Variants in DOCK4 observed in about 807,000 individuals in gnomAD.
The protein encoded by DOCK4 is dedicator of cytokinesis protein 4.
Under a neutral mutation model 268.1 loss-of-function variants are expected in DOCK4, and 97 were observed. The observed-to-expected ratio is 0.36, with a 90% confidence interval of 0.31 to 0.43. DOCK4 has a LOEUF of 0.43. Ranked by LOEUF, DOCK4 falls within the 20% of genes least tolerant of loss-of-function variation. The probability of loss-of-function intolerance (pLI) is 1.00; values close to 1 mark genes in which losing one functional copy is unlikely to be tolerated. For synonymous variants in DOCK4, 954 were observed against 887.2 expected (o/e 1.08, Z -1.34); for missense variants, 2,145 against 2,455.7 (o/e 0.87, Z 2.67).
chr7:111,872,233 A>C, intron 19 of DOCK4, 36 bp downstream of exon 19: 2 of 1,450,442 alleles, frequency 1.4e-6, no homozygotes, highest in Non-Finnish European at 1.9e-6. Context: ...TGAGAGACAA[A>C]ACAGTTAAAA....
At chr7:111,768,149 C>T (rs1413348735) in intron 37 of DOCK4, among the ~76,000 whole-genome samples, 5 of 152,214 alleles carry the variant, frequency 3.3e-5, no homozygotes, top group East Asian at 3.9e-4. Flanking sequence ...CATTTAAAAA[C>T]GTAAAAGAGA....
chr7:111,963,059 T>C (rs1031735770), intron 8 of DOCK4, among the ~76,000 whole-genome samples: 1 of 152,108 alleles, frequency 6.6e-6, no homozygotes, highest in African/African-American at 2.4e-5. Context: ...AATAGATTAG[T>C]CCCAAGACAA....
intron 26 of DOCK4, among the ~76,000 whole-genome samples, chr7:111,823,758 G>T (rs557124691): frequency 6.6e-6 from 1 of 152,148 alleles, no homozygotes; most frequent in South Asian, 2.1e-4. Flanking sequence ...ATAACGATAT[G>T]GTGTTGCTTC....
At chr7:112,048,554 C>A (rs758361908) in intron 1 of DOCK4, among the ~76,000 whole-genome samples, 5 of 149,934 alleles carry the variant, frequency 3.3e-5, no homozygotes, top group Non-Finnish European at 5.9e-5. Flanking sequence ...CGGAGTGAGA[C>A]CCCATCTCAA....
intron 8 of DOCK4, among the ~76,000 whole-genome samples, chr7:111,955,919 A>G (rs1392400016): frequency 6.6e-6 from 1 of 152,190 alleles, no homozygotes; most frequent in African/African-American, 2.4e-5. Flanking sequence ...GGCCTGCTGT[A>G]TAACTAAACT....
At chr7:111,813,511 C>T (rs905569756) in intron 27 of DOCK4, among the ~76,000 whole-genome samples, 2 of 152,152 alleles carry the variant, frequency 1.3e-5, no homozygotes, top group African/African-American at 4.8e-5. Context: ...GGAAACAAGA[C>T]AACCACGATT....
intron 49 of DOCK4, 144 bp from the exon 50 acceptor site, chr7:111,737,133 T>TAATTA: frequency 1.6e-6 from 1 of 642,140 alleles, no homozygotes; most frequent in Non-Finnish European, 2.6e-6. Context: ...ACAAATAATT[T>TAATTA]AATTATATTT....
chr7:111,889,821 C>T (rs1389244178), intron 16 of DOCK4, among the ~76,000 whole-genome samples: 1 of 152,162 alleles, frequency 6.6e-6, no homozygotes, highest in Non-Finnish European at 1.5e-5. Flanking sequence ...TGACTTTGTA[C>T]CTGGCTCTTT....
chr7:111,835,257 CAG>C (rs1231665426), intron 25 of DOCK4, among the ~76,000 whole-genome samples: 3 of 152,154 alleles, frequency 2.0e-5, no homozygotes, highest in East Asian at 3.9e-4. Flanking sequence ...TCCAACTCAT[CAG>C]AGAGTTGATC....
chr7:111,994,779 C>T (rs1446554665), intron 4 of DOCK4, among the ~76,000 whole-genome samples: 1 of 152,056 alleles, frequency 6.6e-6, no homozygotes, highest in African/African-American at 2.4e-5. Context: ...AAACTAGGAC[C>T]ATGAGAAATG....
intron 23 of DOCK4, among the ~76,000 whole-genome samples, chr7:111,853,690 G>C (rs1034523139): frequency 1.3e-5 from 2 of 152,094 alleles, no homozygotes; most frequent in African/African-American, 4.8e-5. Context: ...CCACCCACTG[G>C]CTTTAATCCC....
chr7:112,016,555 C>G (rs564961243), intron 1 of DOCK4, among the ~76,000 whole-genome samples: 2 of 152,326 alleles, frequency 1.3e-5, no homozygotes, highest in African/African-American at 4.8e-5. Flanking sequence ...TATCTCATAA[C>G]ATCCATTGAT....
Position 111,851,407 on chromosome 7 carries a change from T to G in DOCK4, c.2474-4281A>C, listed in dbSNP as rs182653901. ...TTGCAGTGAGCCAAGATTGCACCAC[T>G]GCACTCCAGCCTGGGAGACAGAGCA... On this transcript the variant is annotated intron_variant, in intron 23 of 52. Coordinates refer to ENST00000428084, the MANE Select transcript of DOCK4 (RefSeq NM_001363540.2). Among the ~76,000 whole-genome samples, 66 of 135,992 alleles carry G rather than the reference T, an allele frequency of 4.9e-4. 2 individuals carry two copies. In the East Asian group the frequency reaches 0.012, roughly 24 times the overall value. 89.2% of individuals were successfully genotyped at this position (135,992 alleles called of 152,430 possible).
At position 111,933,298 on chromosome 7, in the gene DOCK4, A is replaced by ATTT. The variant is rs376735342; in HGVS notation, c.1066+2239_1066+2241dup. Among the ~76,000 whole-genome samples the ATTT allele has an allele frequency of 5.9e-3, 443 of 74,826 alleles. 36 individuals are homozygous for ATTT. The highest frequency in any genetic ancestry group is 0.023 in the Middle Eastern group (3 of 130). 49.1% of individuals were successfully genotyped at this position (74,826 alleles called of 152,430 possible). ...TATATACATATATATATATATATAT[A>ATTT]TTTTTTTTTTTTTTTGAGATGGAGT... On this transcript the variant is annotated intron_variant, in intron 12 of 52. Transcript: ENST00000428084.
intron 42 of DOCK4, 144 bp downstream of exon 42, chr7:111,755,371 A>G: frequency 2.8e-6 from 2 of 709,048 alleles, no homozygotes; most frequent in Non-Finnish European, 4.8e-6. Context: ...CCTTGGTAAT[A>G]GCGGTCAAGA....
chr7:111,765,892 A>T (rs1219506084), intron 38 of DOCK4, among the ~76,000 whole-genome samples: 1 of 152,220 alleles, frequency 6.6e-6, no homozygotes, highest in Non-Finnish European at 1.5e-5. Context: ...CCAGAGAAAG[A>T]CTAATATTAC....
At chr7:112,095,810 G>A (rs779240134) in intron 1 of DOCK4, among the ~76,000 whole-genome samples, 2 of 152,080 alleles carry the variant, frequency 1.3e-5, no homozygotes, top group Non-Finnish European at 2.9e-5. Context: ...GGCCAGGTGT[G>A]GTGGCTCACA....
chr7:111,945,568 GAATTC>G, intron 9 of DOCK4, 144 bp downstream of exon 9: 1 of 651,862 alleles, frequency 1.5e-6, no homozygotes, highest in Middle Eastern at 2.7e-4. Context: ...GTGATATTCA[GAATTC>G]TGGGCACTAA....
At chr7:112,038,900 G>A (rs1586697188) in intron 1 of DOCK4, among the ~76,000 whole-genome samples, 1 of 152,238 alleles carries the variant, frequency 6.6e-6, no homozygotes, top group South Asian at 2.1e-4. Flanking sequence ...CAACATATTA[G>A]ACCAATGTCG....
Sources: gnomAD v4.1 joint callset for allele counts (sites outside exome capture counted in the v4.1 genomes callset) on GRCh38, gnomAD v4.1.1 for gene constraint, MANE v1.5 for transcripts, NCBI Gene and HGNC (gene_info 2026-07-23, HGNC 2026-07-21) for gene names.